The following VAT1L variants were observed in gnomAD, a reference collection of about 807,000 sequenced individuals.
VAT1L encodes the protein putative NADPH-dependent quinone oxidoreductase VAT1L.
A neutral mutation model predicts 44.1 loss-of-function variants in VAT1L; 34 were observed. The ratio of observed to expected loss-of-function variants is 0.77; its 90% confidence interval spans 0.59 to 1.03. The LOEUF is 1.03. Among genes scored for constraint, VAT1L ranks in the 50% least tolerant of loss-of-function variants. VAT1L has a pLI of 0.00. For missense variants in VAT1L, 615 were observed against 538.8 expected, an observed-to-expected ratio of 1.14 and a Z score of -1.40; for synonymous variants, 253 against 202.2, an observed-to-expected ratio of 1.25 and a Z score of -2.13.
chr16:77,907,498 T>C lies in VAT1L; in HGVS notation c.1077+22696T>C, dbSNP rs114565754. ...GCAGCCCTAGGCACCAGGCCTGCCTTAGGTCCATTGCTGTATAATCCTTTT... is the reference window on the plus strand; with the variant it reads ...GCAGCCCTAGGCACCAGGCCTGCCTCAGGTCCATTGCTGTATAATCCTTTT... On this transcript the variant is annotated intron_variant, in intron 7 of 8. Transcript: ENST00000302536. Among the ~76,000 whole-genome samples the C allele has an allele frequency of 6.8e-3, 1,032 of 152,296 alleles. 26 individuals carry two copies. The highest frequency in any genetic ancestry group is 0.024 in the African/African-American group (983 of 41,566).
intron 7 of VAT1L, among the ~76,000 whole-genome samples, chr16:77,903,411 C>T (rs562507752): frequency 6.6e-6 from 1 of 152,290 alleles, no homozygotes; most frequent in African/African-American, 2.4e-5. Flanking sequence ...TCATATAATA[C>T]AGTCTTCCTG....
At chr16:77,805,709 C>T (rs1014983079) in intron 1 of VAT1L, among the ~76,000 whole-genome samples, 2 of 151,948 alleles carry the variant, frequency 1.3e-5, no homozygotes, top group Admixed American at 1.3e-4. Flanking sequence ...TTCCCTGATG[C>T]CTGCCTCTCC....
rs1000484395 is a variant in VAT1L at position 77,884,117 on chromosome 16, A to G, written c.883-491A>G. Among the ~76,000 whole-genome samples, 2 of 152,118 alleles carry G rather than the reference A, an allele frequency of 1.3e-5. No homozygotes were observed. Among genetic ancestry groups the G allele is most frequent in the Admixed American group, 1.3e-4 (2 of 15,272 alleles). On this transcript the variant is annotated intron_variant, in intron 6 of 8. Coordinates refer to ENST00000302536, the MANE Select transcript of VAT1L (RefSeq NM_020927.3). This position sits in a 1 kb window ranked among gnomAD's most constrained non-coding sequence, Gnocchi z 4.5. ...AGACCTGAGCGTCTCATAAGCATCA[A>G]TGTCTATTGCTTCCCATGCACTTGC...
At chr16:77,926,568 G>T (rs1567510542) in intron 7 of VAT1L, among the ~76,000 whole-genome samples, 1 of 152,292 alleles carries the variant, frequency 6.6e-6, no homozygotes, top group East Asian at 1.9e-4. Context: ...GGGTGACAGA[G>T]CAAGACTCCA....
intron 7 of VAT1L, among the ~76,000 whole-genome samples, chr16:77,939,646 G>C (rs2017853169): frequency 6.6e-6 from 1 of 152,084 alleles, no homozygotes; most frequent in Admixed American, 6.5e-5. Context: ...GCTACCGAAG[G>C]GTTTGAGATT....
intron 7 of VAT1L, among the ~76,000 whole-genome samples, chr16:77,957,091 A>G (rs566543565): frequency 5.9e-5 from 9 of 152,304 alleles, no homozygotes; most frequent in South Asian, 2.1e-4. Context: ...CTTTGTACCA[A>G]CTTAATAAAT....
intron 1 of VAT1L, among the ~76,000 whole-genome samples, chr16:77,795,290 A>AG (rs2015909464): frequency 1.8e-5 from 2 of 108,406 alleles, no homozygotes; most frequent in African/African-American, 7.4e-5. Flanking sequence ...GGGCGGGGGG[A>AG]AAGATTGAGA....
At chr16:77,977,436 G>A (rs1445277118) in intron 8 of VAT1L, among the ~76,000 whole-genome samples, 161 bp from the exon 9 acceptor site, 1 of 152,146 alleles carries the variant, frequency 6.6e-6, no homozygotes, top group African/African-American at 2.4e-5. Flanking sequence ...CGTCTCTCAG[G>A]GTGCCCAACA....
At chr16:77,824,599 C>CA (rs1332324815) in intron 2 of VAT1L, among the ~76,000 whole-genome samples, 1 of 151,122 alleles carries the variant, frequency 6.6e-6, no homozygotes. Context: ...ACTAAAAATA[C>CA]AAAAAAATTA....
At chr16:77,921,499 G>A (rs545104661) in intron 7 of VAT1L, among the ~76,000 whole-genome samples, 4 of 152,282 alleles carry the variant, frequency 2.6e-5, no homozygotes, top group African/African-American at 9.6e-5. Context: ...GGGGACCACA[G>A]ATCCTTTAAT....
chr16:77,834,752 G>C (rs576386226), intron 3 of VAT1L, among the ~76,000 whole-genome samples: 1 of 152,110 alleles, frequency 6.6e-6, no homozygotes, highest in East Asian at 1.9e-4. Context: ...CCATGTGTTA[G>C]GCTTTTCTGC....
intron 7 of VAT1L, among the ~76,000 whole-genome samples, chr16:77,904,760 G>A (rs1257288472): frequency 1.3e-5 from 2 of 152,172 alleles, no homozygotes; most frequent in African/African-American, 4.8e-5. Flanking sequence ...TTTGGGCCAA[G>A]AAATGTGCTT....
At chr16:77,886,537 C>A (rs1326827239) in intron 7 of VAT1L, among the ~76,000 whole-genome samples, 1 of 152,136 alleles carries the variant, frequency 6.6e-6, no homozygotes, top group East Asian at 1.9e-4. Context: ...GAAATCACCC[C>A]TTGGTTACAA....
intron 1 of VAT1L, 101 bp downstream of exon 1, chr16:77,789,016 C>G: frequency 7.5e-7 from 1 of 1,330,364 alleles, no homozygotes; most frequent in Non-Finnish European, 9.9e-7. Context: ...GGTAGAACCG[C>G]CGCGCGCACC....
chr16:77,931,596 T>C (rs1034685852), intron 7 of VAT1L, among the ~76,000 whole-genome samples: 1 of 152,210 alleles, frequency 6.6e-6, no homozygotes. Flanking sequence ...AGAATTACTT[T>C]TCATCATACG....
At chr16:77,844,950 A>G (rs978167520) in intron 3 of VAT1L, among the ~76,000 whole-genome samples, 1 of 152,208 alleles carries the variant, frequency 6.6e-6, no homozygotes, top group Non-Finnish European at 1.5e-5. Context: ...AGATGTCTTC[A>G]CTGAGTGGGT....
chr16:77,801,631 C>G (rs1188688913), intron 1 of VAT1L: 2 of 151,912 alleles, frequency 1.3e-5, no homozygotes, highest in Non-Finnish European at 2.9e-5. Context: ...TCAAACTGCA[C>G]TCTTCATACT....
intron 7 of VAT1L, among the ~76,000 whole-genome samples, chr16:77,956,030 T>TA (rs1290144669): frequency 6.6e-6 from 1 of 152,114 alleles, no homozygotes; most frequent in East Asian, 1.9e-4. Context: ...GGGGTGACTA[T>TA]AGTCAACAGT....
chr16:77,914,299 G>T (rs2017528664), intron 7 of VAT1L, among the ~76,000 whole-genome samples: 1 of 152,178 alleles, frequency 6.6e-6, no homozygotes, highest in Non-Finnish European at 1.5e-5. Context: ...TTCTCATTTG[G>T]CTATCTATGC....
Sources: allele counts gnomAD v4.1 joint callset (sites outside exome capture counted in the v4.1 genomes callset), GRCh38; gene constraint gnomAD v4.1.1; non-coding constraint Gnocchi (gnomAD v3.1); transcripts MANE v1.5; gene names NCBI Gene and HGNC (gene_info 2026-07-23, HGNC 2026-07-21).